Variants in TET1 observed in about 807,000 individuals in gnomAD.
TET1 encodes the protein methylcytosine dioxygenase TET1.
Under a neutral mutation model 148.7 loss-of-function variants are expected in TET1, and 13 were observed. That is an observed-to-expected ratio of 0.09 (90% CI 0.06 to 0.14). TET1 has a LOEUF of 0.14. Ranked by LOEUF, TET1 falls within the 10% of genes least tolerant of loss-of-function variation. The pLI, the probability that TET1 is intolerant of heterozygous loss-of-function variation, is 1.00. For synonymous variants in TET1, 907 were observed against 937.2 expected, an observed-to-expected ratio of 0.97 and a Z score of 0.59; for missense variants, 2,182 against 2,553.8, an observed-to-expected ratio of 0.85 and a Z score of 3.14.
intron 6 of TET1, among the ~76,000 whole-genome samples, chr10:68,655,185 A>G (rs1394795960): frequency 6.6e-6 from 1 of 152,260 alleles, no homozygotes; most frequent in African/African-American, 2.4e-5. Context: ...GTTTAAAGAA[A>G]GAAACAAAGA....
chr10:68,602,868 A>G (rs1483917378), intron 3 of TET1, among the ~76,000 whole-genome samples: 1 of 152,208 alleles, frequency 6.6e-6, no homozygotes, highest in African/African-American at 2.4e-5. Flanking sequence ...TTTCTGTTAG[A>G]CATAATTTTT....
intron 3 of TET1, among the ~76,000 whole-genome samples, chr10:68,635,850 A>G (rs561986953): frequency 1.3e-5 from 2 of 152,312 alleles, no homozygotes; most frequent in East Asian, 3.9e-4. Flanking sequence ...CAACGAAGTG[A>G]AAATAAAGTA....
At chr10:68,597,375 C>T (rs1368210882) in intron 2 of TET1, among the ~76,000 whole-genome samples, 2 of 151,970 alleles carry the variant, frequency 1.3e-5, no homozygotes, top group Admixed American at 6.6e-5. Context: ...TATATCATGG[C>T]CACTTTACTA....
intron 2 of TET1, 24 bp downstream of exon 2, chr10:68,574,276 G>A: frequency 6.3e-7 from 1 of 1,584,978 alleles, no homozygotes; most frequent in Non-Finnish European, 8.6e-7. Context: ...CAAGGGGCTG[G>A]GAGACAGCTG....
intron 10 of TET1, among the ~76,000 whole-genome samples, 177 bp from the exon 11 acceptor site, chr10:68,686,179 G>T: frequency 6.6e-6 from 1 of 152,180 alleles, no homozygotes; most frequent in East Asian, 1.9e-4. Context: ...AAGTTACTAT[G>T]ATTGAACAGA....
At position 68,669,643 on chromosome 10, in the gene TET1, C is replaced by T. The variant is rs533018751; in HGVS notation, c.4673+2387C>T. On this transcript the variant is annotated intron_variant, in intron 7 of 11. Transcript: ENST00000373644. The stretch of plus-strand genomic sequence containing the variant: ...TGCTGGGATTACAGGCGTGAGCCAC[C>T]ACGTCCAGCCCAGTGAACTCTTTTA... Among the ~76,000 whole-genome samples the T allele has an allele frequency of 4.0e-5, 6 of 151,494 alleles. No individual in the cohort carries two copies. In the South Asian group the frequency reaches 6.3e-4, roughly 16 times the overall value.
At chr10:68,611,650 C>CTTTCT (rs750350236) in intron 3 of TET1, among the ~76,000 whole-genome samples, 59 of 133,222 alleles carry the variant, frequency 4.4e-4, no homozygotes, top group South Asian at 1.3e-3. Context: ...GAGACCCTTT[C>CTTTCT]TTTCTTTTCT....
rs2053678464 is a variant in TET1, at chr10:68,572,247, C to T, written c.-92C>T. ...AACCTTGTGTGACTGAGCTGAAGAGCAGTGCATCCAGATTCTCCTCAGAAG... is the reference window on the plus strand; with the variant it reads ...AACCTTGTGTGACTGAGCTGAAGAGTAGTGCATCCAGATTCTCCTCAGAAG... On this transcript the variant is annotated 5_prime_UTR_variant, in exon 2 of 12. Coordinates refer to ENST00000373644, the MANE Select transcript of TET1 (RefSeq NM_030625.3). 1.4e-5 allele frequency: 15 copies of T among 1,060,816 alleles called. No homozygotes were observed. The highest frequency in any genetic ancestry group is 1.9e-5 in the Non-Finnish European group (14 of 741,450). 65.7% of individuals were successfully genotyped at this position (1,060,816 alleles called of 1,614,324 possible).
At chr10:68,595,153 G>GAAA (rs113065548) in intron 2 of TET1, among the ~76,000 whole-genome samples, 13,604 of 135,270 alleles carry the variant, frequency 0.1, 759 homozygotes, top group South Asian at 0.21. Flanking sequence ...ACCCTATCAA[G>GAAA]AAAAAAAAAA....
At chr10:68,633,700 G>C (rs2054611055) in intron 3 of TET1, among the ~76,000 whole-genome samples, 1 of 152,244 alleles carries the variant, frequency 6.6e-6, no homozygotes, top group South Asian at 2.1e-4. Flanking sequence ...CAAAGTGCTG[G>C]GATTGCAGGC....
intron 3 of TET1, among the ~76,000 whole-genome samples, chr10:68,628,632 G>A (rs968740941): frequency 3.3e-5 from 5 of 152,192 alleles, no homozygotes; most frequent in African/African-American, 1.2e-4. Context: ...ACTGAAGCTG[G>A]TGAAGAAATG....
chr10:68,600,580 C>T (rs1460273349), intron 2 of TET1, among the ~76,000 whole-genome samples: 1 of 152,142 alleles, frequency 6.6e-6, no homozygotes, highest in Non-Finnish European at 1.5e-5. Context: ...AAAAGGCATG[C>T]CCAGCACGTC....
chr10:68,564,652 T>C (rs2053587777), intron 1 of TET1, among the ~76,000 whole-genome samples: 1 of 152,200 alleles, frequency 6.6e-6, no homozygotes, highest in Non-Finnish European at 1.5e-5. Context: ...TCCAGTCTTA[T>C]TTTCTTCTCA....
At position 68,574,007 on chromosome 10, in the gene TET1, G is replaced by T. The variant is rs758687103; in HGVS notation, c.1669G>T (p.Val557Phe). 1.7e-5 allele frequency: 28 copies of T among 1,614,122 alleles called. No individual in the cohort carries two copies. In the South Asian group the frequency reaches 3.1e-4, roughly 18 times the overall value. ...QVSVTSTVHV[V>F]NTTVVTMPVP... is the part of the protein sequence containing the mutation. Reference sequence around the variant, plus strand: ...CAGTGTAACCAGCACAGTTCATGTTGTCAACACCACAGTGGTGACTATGCC... The same window carrying T: ...CAGTGTAACCAGCACAGTTCATGTTTTCAACACCACAGTGGTGACTATGCC... The change falls in exon 2 of 12, where the codon GTC becomes TTC. Residue 557 changes from valine (V) to phenylalanine (F), a missense_variant. By Grantham distance (50) the Val-to-Phe change is conservative (BLOSUM62 -1). This residue lies in a region of TET1 where 665 missense variants were observed against 672.4 expected (regional missense o/e 0.99). Transcript: ENST00000373644.
At chr10:68,623,490 A>G (rs1244595174) in intron 3 of TET1, among the ~76,000 whole-genome samples, 1 of 152,216 alleles carries the variant, frequency 6.6e-6, no homozygotes, top group African/African-American at 2.4e-5. Context: ...ATCACTTAAT[A>G]GAGTTAACAG....
rs1372389212 is a variant in TET1 at position 68,573,945 on chromosome 10, C to T, written c.1607C>T (p.Ala536Val). 6.2e-7 allele frequency: 1 copy of T among 1,614,188 alleles called. No individual in the cohort carries two copies. Among genetic ancestry groups the T allele is most frequent in the Non-Finnish European group, 8.5e-7 (1 of 1,180,044 alleles). The change falls in exon 2 of 12, where the codon GCT becomes GTT. Residue 536 changes from alanine to valine, a missense_variant. By Grantham distance (64) the Ala-to-Val change is moderately conservative (BLOSUM62 0). Around this residue, in one of 11 missense-constraint regions of TET1, gnomAD observed 665 missense variants for 672.4 expected, o/e 0.99. Coordinates refer to ENST00000373644, the MANE Select transcript of TET1 (RefSeq NM_030625.3). ...ASLGIAQLSQ[A>V]GPSKSDRGSS... ...CTGGGTATAGCCCAACTCTCTCAGGCTGGTCCTAGCAAATCAGACAGAGGG... is the reference window on the plus strand; with the variant it reads ...CTGGGTATAGCCCAACTCTCTCAGGTTGGTCCTAGCAAATCAGACAGAGGG...
chr10:68,585,229 C>T (rs1307443316), intron 2 of TET1, among the ~76,000 whole-genome samples: 1 of 152,132 alleles, frequency 6.6e-6, no homozygotes, highest in Non-Finnish European at 1.5e-5. Context: ...GTCTTGAACT[C>T]CTGACCTCAG....
At chr10:68,627,036 G>A (rs2054493670) in intron 3 of TET1, among the ~76,000 whole-genome samples, 1 of 152,206 alleles carries the variant, frequency 6.6e-6, no homozygotes, top group South Asian at 2.1e-4. Context: ...ACTTTGGGAG[G>A]CCGAGGCGGT....
At chr10:68,652,119 C>A (rs905509418) in intron 5 of TET1, among the ~76,000 whole-genome samples, 183 bp downstream of exon 5, 1 of 152,190 alleles carries the variant, frequency 6.6e-6, no homozygotes, top group Non-Finnish European at 1.5e-5. Context: ...ATCATACAAG[C>A]TGTTGGGCAC....
Sources: gnomAD v4.1 joint callset for allele counts (sites outside exome capture counted in the v4.1 genomes callset) on GRCh38, gnomAD v4.1.1 for gene constraint, gnomAD v4.1.1 regional missense constraint, MANE v1.5 for transcripts, NCBI Gene and HGNC (gene_info 2026-07-23, HGNC 2026-07-21) for gene names.